GPR39: variants seen among roughly 807,000 people sequenced by gnomAD.
The protein encoded by GPR39 is G protein-coupled receptor 39.
Under a neutral mutation model 18.4 loss-of-function variants are expected in GPR39, and 23 were observed. The observed-to-expected ratio is 1.25, with a 90% CI of 0.90 to 1.77. The LOEUF (loss-of-function observed/expected upper bound fraction) is 1.77. GPR39 is among the 40% of genes most tolerant of loss of function. The probability of loss-of-function intolerance (pLI) is 0.00; values close to 1 mark genes in which losing one functional copy is unlikely to be tolerated. For missense variants in GPR39, 647 were observed against 602.4 expected, an observed-to-expected ratio of 1.07 and a Z score of -0.78; for synonymous variants, 280 against 257.9, an observed-to-expected ratio of 1.09 and a Z score of -0.82.
chr2:132,474,751 C>T (rs1173652775), intron 1 of GPR39, among the ~76,000 whole-genome samples: 1 of 152,182 alleles, frequency 6.6e-6, no homozygotes, highest in Non-Finnish European at 1.5e-5. Flanking sequence ...CTGGCCTTTG[C>T]CATTTTGGGA....
At chr2:132,424,802 C>T (rs952942363) in intron 1 of GPR39, among the ~76,000 whole-genome samples, 10 of 152,142 alleles carry the variant, frequency 6.6e-5, no homozygotes, top group African/African-American at 2.4e-5. Flanking sequence ...AACAGACAAC[C>T]CTTCATTGGA....
At chr2:132,451,181 G>A (rs528036085) in intron 1 of GPR39, among the ~76,000 whole-genome samples, 124 of 147,882 alleles carry the variant, frequency 8.4e-4, no homozygotes, top group African/African-American at 2.6e-3. Context: ...GTGTGCACGC[G>A]CGTGAAATGC....
intron 1 of GPR39, among the ~76,000 whole-genome samples, chr2:132,425,154 C>A (rs1181498235): frequency 1.3e-5 from 2 of 152,178 alleles, no homozygotes; most frequent in Non-Finnish European, 1.5e-5. Flanking sequence ...CTTACACTAG[C>A]ATTCTGCATA....
chr2:132,609,243 T>G (rs535637793), intron 1 of GPR39, among the ~76,000 whole-genome samples: 1 of 152,330 alleles, frequency 6.6e-6, no homozygotes, highest in South Asian at 2.1e-4. Context: ...TTCTTCCTCA[T>G]TGCCAGCTGT....
At chr2:132,471,643 C>T (rs1260366466) in intron 1 of GPR39, among the ~76,000 whole-genome samples, 1 of 150,592 alleles carries the variant, frequency 6.6e-6, no homozygotes, top group Admixed American at 6.6e-5. Context: ...GGGCCCAGCC[C>T]AGCAAGGAGT....
intron 1 of GPR39, among the ~76,000 whole-genome samples, chr2:132,615,247 C>T (rs1681314679): frequency 6.6e-6 from 1 of 152,174 alleles, no homozygotes; most frequent in African/African-American, 2.4e-5. Flanking sequence ...ACCCAGAGAC[C>T]TGCATGGCAC....
intron 1 of GPR39, among the ~76,000 whole-genome samples, chr2:132,420,744 T>G (rs1365582128): frequency 6.6e-6 from 1 of 152,212 alleles, no homozygotes; most frequent in African/African-American, 2.4e-5. Flanking sequence ...CTACGCAAGA[T>G]GAGGAAGCCC....
At chr2:132,424,641 G>C (rs1680078277) in intron 1 of GPR39, among the ~76,000 whole-genome samples, 1 of 152,186 alleles carries the variant, frequency 6.6e-6, no homozygotes, top group Non-Finnish European at 1.5e-5. Context: ...CCATAGCTAA[G>C]GGGTTTGGAA....
chr2:132,431,666 C>T (rs10188442), intron 1 of GPR39, among the ~76,000 whole-genome samples: 32,624 of 152,016 alleles, frequency 0.21, 3,663 homozygotes, highest in African/African-American at 0.26. Flanking sequence ...GAGCCTTCCC[C>T]GTGGAACTTG....
intron 1 of GPR39, among the ~76,000 whole-genome samples, chr2:132,599,610 C>T (rs544885581): frequency 6.6e-6 from 1 of 152,310 alleles, no homozygotes; most frequent in Non-Finnish European, 1.5e-5. Flanking sequence ...AACTCTGATA[C>T]TTCATCACCA....
intron 1 of GPR39, among the ~76,000 whole-genome samples, chr2:132,424,140 C>G (rs1156387082): frequency 6.6e-6 from 1 of 152,146 alleles, no homozygotes; most frequent in Non-Finnish European, 1.5e-5. Flanking sequence ...TTAGCTTTAA[C>G]CATGTATATC....
chr2:132,463,076 C>T (rs746033706), intron 1 of GPR39, among the ~76,000 whole-genome samples: 15 of 152,162 alleles, frequency 9.9e-5, no homozygotes, highest in Non-Finnish European at 1.9e-4. Flanking sequence ...GATCCTCTGT[C>T]GTGCACCAGG....
chr2:132,542,515 T>C (rs886635342), intron 1 of GPR39, among the ~76,000 whole-genome samples: 3 of 152,012 alleles, frequency 2.0e-5, no homozygotes, highest in South Asian at 2.1e-4. Context: ...CTATGAAAAA[T>C]GCAAGGTCAA....
chr2:132,520,026 G>A (rs1679395049), intron 1 of GPR39, among the ~76,000 whole-genome samples: 1 of 152,122 alleles, frequency 6.6e-6, no homozygotes, highest in Non-Finnish European at 1.5e-5. Flanking sequence ...AAGCTGTCCT[G>A]TGATCTGGCT....
intron 1 of GPR39, among the ~76,000 whole-genome samples, chr2:132,495,604 G>T (rs540047782): frequency 1.3e-5 from 2 of 152,220 alleles, no homozygotes; most frequent in Non-Finnish European, 2.9e-5. Flanking sequence ...CACTTAAGGT[G>T]CACAGAGCAT....
At chr2:132,458,542 A>G (rs1389511536) in intron 1 of GPR39, among the ~76,000 whole-genome samples, 1 of 150,500 alleles carries the variant, frequency 6.6e-6, no homozygotes, top group Admixed American at 6.6e-5. Context: ...GTATTTAGTC[A>G]CATTTTTTGT....
At chr2:132,463,810 G>A (rs1379886259) in intron 1 of GPR39, among the ~76,000 whole-genome samples, 1 of 152,198 alleles carries the variant, frequency 6.6e-6, no homozygotes, top group Non-Finnish European at 1.5e-5. Context: ...TGCTGGTTTT[G>A]CTTGGGCTCA....
At chr2:132,572,549 A>C (rs905669143) in intron 1 of GPR39, among the ~76,000 whole-genome samples, 5 of 152,012 alleles carry the variant, frequency 3.3e-5, no homozygotes, top group South Asian at 2.1e-4. Context: ...AAAAAAAAAA[A>C]AAAACCTCAT....
Position 132,610,793 on chromosome 2 carries a change from A to C in GPR39, c.857-34308A>C, listed in dbSNP as rs112231023. On this transcript the variant is annotated intron_variant, in intron 1 of 1. Transcript: ENST00000329321. The stretch of plus-strand genomic sequence containing the variant: ...CTCTGTCTCCAAAAAAAAAAAAAAA[A>C]AAAAAGAAGAAGAAATCTAGGATCT... Among the ~76,000 whole-genome samples, 3 of 151,654 alleles carry C rather than the reference A, an allele frequency of 2.0e-5. No individual in the cohort carries two copies. The East Asian group carries it at 5.8e-4, about 29-fold the overall frequency.
Sources: allele counts gnomAD v4.1 joint callset (sites outside exome capture counted in the v4.1 genomes callset), GRCh38; gene constraint gnomAD v4.1.1; transcripts MANE v1.5; gene names NCBI Gene and HGNC (gene_info 2026-07-23, HGNC 2026-07-21).